EFNA5: variants seen among roughly 807,000 people sequenced by gnomAD.
EFNA5 encodes the protein ephrin A5, also known as ephrin-A5.
In EFNA5, 5 loss-of-function variants were observed where a neutral mutation model predicts 22.9. The ratio of observed to expected loss-of-function variants is 0.22; its 90% CI spans 0.11 to 0.46. The LOEUF (loss-of-function observed/expected upper bound fraction) is 0.46. EFNA5 is among the 20% of genes least tolerant of loss of function. The pLI is 0.99. For synonymous variants in EFNA5, 113 were observed against 112.2 expected, an observed-to-expected ratio of 1.01 and a Z score of -0.04; for missense variants, 237 against 293.3, an observed-to-expected ratio of 0.81 and a Z score of 1.40.
chr5:107,505,574 T>G (rs1414706184), intron 1 of EFNA5, among the ~76,000 whole-genome samples: 2 of 151,996 alleles, frequency 1.3e-5, no homozygotes, highest in Non-Finnish European at 2.9e-5. Context: ...CCCTCCTATA[T>G]CCTCAAAAAA....
At chr5:107,596,370 C>T (rs891629358) in intron 1 of EFNA5, among the ~76,000 whole-genome samples, 35 of 152,076 alleles carry the variant, frequency 2.3e-4, no homozygotes, top group African/African-American at 8.0e-4. Flanking sequence ...AATCATTTTT[C>T]TTTCTGTGTC....
chr5:107,495,479 G>C (rs1746952169), intron 1 of EFNA5, among the ~76,000 whole-genome samples: 1 of 152,228 alleles, frequency 6.6e-6, no homozygotes, highest in Non-Finnish European at 1.5e-5. Flanking sequence ...CCTCATTCTT[G>C]AAGTCAGTGA....
At chr5:107,500,893 G>T (rs1747118428) in intron 1 of EFNA5, among the ~76,000 whole-genome samples, 1 of 149,006 alleles carries the variant, frequency 6.7e-6, no homozygotes, top group South Asian at 2.1e-4. Context: ...AAACAAAAAG[G>T]TTTCCTGTGA....
intron 1 of EFNA5, among the ~76,000 whole-genome samples, chr5:107,526,126 T>C (rs1195183039): frequency 6.6e-6 from 1 of 152,196 alleles, no homozygotes; most frequent in Admixed American, 6.5e-5. Context: ...AACTTATCTA[T>C]TATTTTGTTT....
At chr5:107,494,370 G>A (rs1580492986) in intron 1 of EFNA5, among the ~76,000 whole-genome samples, 1 of 152,218 alleles carries the variant, frequency 6.6e-6, no homozygotes, top group South Asian at 2.1e-4. Context: ...CCCGGGCAGT[G>A]AGGGGCTTAG....
chr5:107,660,432 T>G (rs1454285473), intron 1 of EFNA5, among the ~76,000 whole-genome samples: 2 of 150,540 alleles, frequency 1.3e-5, no homozygotes, highest in East Asian at 3.9e-4. Context: ...CAATAAAGTA[T>G]GTATACAATG....
chr5:107,640,197 T>G (rs1452905490), intron 1 of EFNA5, among the ~76,000 whole-genome samples: 8 of 152,278 alleles, frequency 5.3e-5, no homozygotes, highest in Non-Finnish European at 1.2e-4. Flanking sequence ...GAAGGTGGTT[T>G]CCCATTGAAC....
At chr5:107,579,431 G>C (rs1748994316) in intron 1 of EFNA5, among the ~76,000 whole-genome samples, 1 of 151,956 alleles carries the variant, frequency 6.6e-6, no homozygotes, top group African/African-American at 2.4e-5. Flanking sequence ...TCTAACTCAG[G>C]TCTGCTGCTG....
chr5:107,489,128 A>G (rs2112411000), intron 1 of EFNA5, among the ~76,000 whole-genome samples: 1 of 152,342 alleles, frequency 6.6e-6, no homozygotes, highest in Admixed American at 6.5e-5. Flanking sequence ...TACCATCATT[A>G]CAATATTTCA....
intron 1 of EFNA5, among the ~76,000 whole-genome samples, chr5:107,623,137 C>G (rs1208027596): frequency 6.6e-6 from 1 of 151,518 alleles, no homozygotes. Flanking sequence ...ACTGCCTCCC[C>G]AGATGGGTTT....
intron 1 of EFNA5, among the ~76,000 whole-genome samples, chr5:107,612,524 T>G (rs1171710484): frequency 6.6e-6 from 1 of 151,874 alleles, no homozygotes; most frequent in African/African-American, 2.4e-5. Flanking sequence ...AAAAAAAAAG[T>G]TCATCCAAAA....
intron 1 of EFNA5, among the ~76,000 whole-genome samples, chr5:107,459,168 T>G (rs1580465264): frequency 6.6e-6 from 1 of 151,908 alleles, no homozygotes; most frequent in Non-Finnish European, 1.5e-5. Flanking sequence ...CTGAGGCAGG[T>G]GGATCACCTG....
At chr5:107,465,190 A>C (rs1749939928) in intron 1 of EFNA5, among the ~76,000 whole-genome samples, 1 of 152,124 alleles carries the variant, frequency 6.6e-6, no homozygotes, top group South Asian at 2.1e-4. Context: ...TTTATGACTT[A>C]CATTACACCA....
chr5:107,473,259 C>T (rs1210340705), intron 1 of EFNA5, among the ~76,000 whole-genome samples: 2 of 115,608 alleles, frequency 1.7e-5, no homozygotes, highest in Non-Finnish European at 3.4e-5. Flanking sequence ...GCTTCCAGGT[C>T]TGATTTTTTT....
At position 107,663,236 on chromosome 5, in the gene EFNA5, G is replaced by A. The variant is rs776363705; in HGVS notation, c.125+7253C>T. 5.9e-5 allele frequency among the ~76,000 whole-genome samples: 9 copies of A among 151,916 alleles called. No individual in the cohort carries two copies. In the East Asian group the frequency reaches 1.5e-3, roughly 26 times the overall value. On this transcript the variant is annotated intron_variant, in intron 1 of 4. Transcript: ENST00000333274. Reference sequence around the variant, plus strand: ...TGCTTCTAGGGGGGAAAAAAAACACGCTGATTTAACTGAAAGCCAAAAAAC... The same window carrying A: ...TGCTTCTAGGGGGGAAAAAAAACACACTGATTTAACTGAAAGCCAAAAAAC...
chr5:107,454,729 T>G (rs2112450004), intron 1 of EFNA5, among the ~76,000 whole-genome samples: 1 of 152,314 alleles, frequency 6.6e-6, no homozygotes, highest in East Asian at 1.9e-4. Context: ...ATACTTTATT[T>G]GCTTACAAAT....
intron 1 of EFNA5, among the ~76,000 whole-genome samples, chr5:107,478,279 C>T (rs955074993): frequency 9.9e-5 from 15 of 152,064 alleles, no homozygotes; most frequent in Non-Finnish European, 2.2e-4. Flanking sequence ...AAGACCTAGG[C>T]GAGTAATATT....
At chr5:107,617,209 TACACAC>T (rs373146585) in intron 1 of EFNA5, among the ~76,000 whole-genome samples, 2 of 141,058 alleles carry the variant, frequency 1.4e-5, no homozygotes, top group Non-Finnish European at 3.0e-5. Flanking sequence ...CATGTGCACA[TACACAC>T]ACACACACAC....
intron 4 of EFNA5, among the ~76,000 whole-genome samples, chr5:107,382,716 C>A (rs944494332): frequency 6.6e-6 from 1 of 152,074 alleles, no homozygotes; most frequent in African/African-American, 2.4e-5. Flanking sequence ...ATTTTGGGGG[C>A]CAATAGTGAG....
Sources: gnomAD v4.1 joint callset for allele counts (sites outside exome capture counted in the v4.1 genomes callset) on GRCh38, gnomAD v4.1.1 for gene constraint, MANE v1.5 for transcripts, NCBI Gene and HGNC (gene_info 2026-07-23, HGNC 2026-07-21) for gene names.